The following RIMS3 variants were observed in gnomAD, a reference collection of about 807,000 sequenced individuals.
RIMS3 encodes regulating synaptic membrane exocytosis 3.
In RIMS3, 15 loss-of-function variants were observed where a neutral mutation model predicts 29.2. The observed-to-expected ratio is 0.51, with a 90% CI of 0.34 to 0.79. The LOEUF (loss-of-function observed/expected upper bound fraction) is 0.79, where lower values mean the gene tolerates loss of function less well. Ranked by LOEUF, RIMS3 falls within the 30% of genes least tolerant of loss-of-function variation. RIMS3 has a pLI of 0.01. For missense variants in RIMS3, 342 were observed against 421.4 expected (o/e 0.81, Z 1.65); for synonymous variants, 161 against 170.1 (o/e 0.95, Z 0.41).
At chr1:40,662,937 T>C (rs1477808258) in intron 1 of RIMS3, among the ~76,000 whole-genome samples, 1 of 152,204 alleles carries the variant, frequency 6.6e-6, no homozygotes, top group Middle Eastern at 3.2e-3. Flanking sequence ...GCCTGGTCTC[T>C]TCTCTGCCCC....
chr1:40,624,560 A>C lies in RIMS3; in HGVS notation c.*1957T>G, dbSNP rs1375582042. On this transcript the variant is annotated 3_prime_UTR_variant, in exon 8 of 8. Transcript: ENST00000372684. ...GGTCCCTTTCTCTGATAATATAAGA[A>C]TAGAGGCTCAGGCAGAGATAGGAGC... 6.6e-6 allele frequency: 1 copy of C among 152,188 alleles called. No individual in the cohort carries two copies. The highest frequency in any genetic ancestry group is 6.5e-5 in the Admixed American group (1 of 15,282). 9.4% of individuals were successfully genotyped at this position (152,188 alleles called of 1,614,324 possible).
chr1:40,671,826 G>T, the RIMS3 span, among the ~76,000 whole-genome samples: 1,659 of 147,880 alleles, frequency 0.011, 15 homozygotes, highest in South Asian at 0.027. Flanking sequence ...GCAGTGGCGT[G>T]ATCTCAGCTC....
At chr1:40,651,633 TGTC>T (rs1646632455) in intron 1 of RIMS3, among the ~76,000 whole-genome samples, 1 of 152,190 alleles carries the variant, frequency 6.6e-6, no homozygotes, top group East Asian at 1.9e-4. Context: ...ATAGGAACCT[TGTC>T]GTCGTCTTCA....
chr1:40,633,418 C>T (rs753954057), intron 4 of RIMS3, among the ~76,000 whole-genome samples: 1 of 152,238 alleles, frequency 6.6e-6, no homozygotes, highest in Non-Finnish European at 1.5e-5. Context: ...AATAACAATA[C>T]ATAATGATGC....
chr1:40,634,991 A>C (rs1557668827), intron 4 of RIMS3, among the ~76,000 whole-genome samples: 1 of 152,024 alleles, frequency 6.6e-6, no homozygotes, highest in Non-Finnish European at 1.5e-5. Context: ...TGGTCTGATC[A>C]CAGCCAGCAG....
the RIMS3 span, among the ~76,000 whole-genome samples, chr1:40,673,679 G>C: frequency 6.6e-6 from 1 of 152,214 alleles, no homozygotes; most frequent in East Asian, 1.9e-4. Flanking sequence ...GATGAGCTCA[G>C]ATGTCACCTC....
At chr1:40,671,230 T>C in the RIMS3 span, among the ~76,000 whole-genome samples, 1 of 152,286 alleles carries the variant, frequency 6.6e-6, no homozygotes, top group East Asian at 1.9e-4. Flanking sequence ...GAAGCCTGAA[T>C]GATGCCTAGG....
intron 7 of RIMS3, among the ~76,000 whole-genome samples, chr1:40,628,429 G>C (rs956060526): frequency 1.3e-5 from 2 of 152,244 alleles, no homozygotes; most frequent in African/African-American, 4.8e-5. Context: ...GTAAAGTGAA[G>C]AGAATCACAC....
the RIMS3 span, among the ~76,000 whole-genome samples, chr1:40,677,687 G>A: frequency 6.6e-6 from 1 of 151,772 alleles, no homozygotes; most frequent in Non-Finnish European, 1.5e-5. Flanking sequence ...GACAGAGCGA[G>A]ATTACATCTC....
the RIMS3 span, among the ~76,000 whole-genome samples, chr1:40,689,726 T>C: frequency 1.3e-5 from 2 of 152,166 alleles, no homozygotes; most frequent in Non-Finnish European, 2.9e-5. Context: ...CTATTGATAA[T>C]AAAGACTATA....
At chr1:40,686,673 A>C in the RIMS3 span, among the ~76,000 whole-genome samples, 1 of 152,160 alleles carries the variant, frequency 6.6e-6, no homozygotes, top group Non-Finnish European at 1.5e-5. Context: ...AAAAACAAAA[A>C]AAACCCTTAA....
chr1:40,638,090 G>A (rs1360175729), intron 3 of RIMS3, among the ~76,000 whole-genome samples: 3 of 152,128 alleles, frequency 2.0e-5, no homozygotes, highest in Non-Finnish European at 4.4e-5. Context: ...CTGAGTCGGG[G>A]AGTCACAGAA....
chr1:40,642,093 A>C, intron 2 of RIMS3, 137 bp from the exon 3 acceptor site: 3 of 603,844 alleles, frequency 5.0e-6, no homozygotes, highest in Admixed American at 2.9e-5. Context: ...GCACAAACAA[A>C]TGTCAAGAGC....
Position 40,626,609 on chromosome 1 carries a change from T to A in RIMS3, c.835A>T (p.Thr279Ser). Residue 279 changes from threonine to serine, a missense_variant, in exon 8 of 8, where the codon ACC becomes TCC. Physicochemically the swap from Thr to Ser is moderately conservative, Grantham distance 58. Coordinates refer to ENST00000372684, the MANE Select transcript of RIMS3 (RefSeq NM_014747.3). The part of the protein sequence containing the change: ...AVTGWYKLFP[T>S]SSVADSTLGS... ...AGTGTGGAGTCTGCCACTGAGGAGG[T>A]GGGGAAGAGTTTGTACCAGCCGGTG... The A allele has an allele frequency of 6.2e-7, 1 of 1,613,538 alleles. No individual in the cohort carries two copies. The highest frequency in any genetic ancestry group is 8.5e-7 in the Non-Finnish European group (1 of 1,179,880).
chr1:40,626,576 G>A lies in RIMS3; in HGVS notation c.868C>T (p.Leu290Phe), dbSNP rs1458807416. 2.5e-6 allele frequency: 4 copies of A among 1,613,962 alleles called. No homozygotes were observed. The highest frequency in any genetic ancestry group is 1.1e-5 in the South Asian group (1 of 91,054). The stretch of plus-strand genomic sequence containing the variant: ...GAAGACTGGGACAGGCGCCTGGTGA[G>A]GGATCCGAGTGTGGAGTCTGCCACT... ...SSVADSTLGS[L>F]TRRLSQSSLE... The change falls in exon 8 of 8, where the codon CTC (leucine) becomes TTC (phenylalanine). Residue 290 changes from leucine (L) to phenylalanine (F), a missense_variant. Leu to Phe is a conservative substitution (Grantham distance 22). Coordinates refer to ENST00000372684, the MANE Select transcript of RIMS3 (RefSeq NM_014747.3).
At chr1:40,641,220 G>A (rs765500379) in intron 3 of RIMS3, among the ~76,000 whole-genome samples, 19 of 152,120 alleles carry the variant, frequency 1.2e-4, no homozygotes, top group Non-Finnish European at 2.2e-4. Context: ...TGACCCTCCC[G>A]CTTCTCCCTC....
chr1:40,660,349 G>GCAA (rs34090113), intron 1 of RIMS3, among the ~76,000 whole-genome samples: 45,003 of 150,908 alleles, frequency 0.3, 7,093 homozygotes, highest in Middle Eastern at 0.4. Context: ...GGGCCAGGAA[G>GCAA]CAGTCACACC....
chr1:40,678,582 C>T, the RIMS3 span, among the ~76,000 whole-genome samples: 1 of 152,200 alleles, frequency 6.6e-6, no homozygotes, highest in African/African-American at 2.4e-5. Flanking sequence ...TCAGCCACAA[C>T]ATGGAGTCAA....
chr1:40,677,756 T>C, the RIMS3 span, among the ~76,000 whole-genome samples: 3 of 152,262 alleles, frequency 2.0e-5, no homozygotes, highest in Admixed American at 2.0e-4. Flanking sequence ...TTAATGTTTA[T>C]AGTCATTTTC....
Sources: gnomAD v4.1 joint callset for allele counts (sites outside exome capture counted in the v4.1 genomes callset) on GRCh38, gnomAD v4.1.1 for gene constraint, MANE v1.5 for transcripts, NCBI Gene and HGNC (gene_info 2026-07-23, HGNC 2026-07-21) for gene names.